CNTN3: variants seen among roughly 807,000 people sequenced by gnomAD.
CNTN3 encodes contactin-3.
Under a neutral mutation model 119.1 loss-of-function variants are expected in CNTN3, and 60 were observed. The observed-to-expected ratio is 0.50, with a 90% CI of 0.41 to 0.62. CNTN3 has a LOEUF of 0.62. Among genes scored for constraint, CNTN3 ranks in the 20% least tolerant of loss-of-function variants. The probability of loss-of-function intolerance (pLI) is 0.00; values close to 1 mark genes in which losing one functional copy is unlikely to be tolerated. For missense variants in CNTN3, 1,101 were observed against 1,242.4 expected, an observed-to-expected ratio of 0.89 and a Z score of 1.71; for synonymous variants, 450 against 438.7, an observed-to-expected ratio of 1.03 and a Z score of -0.32.
chr3:74,285,315 G>T lies in CNTN3; in HGVS notation c.2694C>A (p.Thr898=). The part of the protein sequence containing the change: ...GPFSATVNVT[T]KKTPPSQPPG... ...TCAGAATATACTTACGCGTTTTCTT[G>T]GTGGTTACATTAACTGTGGCGCTAA... Residue 898 remains threonine, a synonymous_variant, in exon 20 of 23, where the codon ACC becomes ACA. Coordinates refer to ENST00000263665, the MANE Select transcript of CNTN3 (RefSeq NM_020872.3). The T allele has an allele frequency of 6.2e-7, 1 of 1,602,880 alleles. No homozygotes were observed. Among genetic ancestry groups the T allele is most frequent in the Non-Finnish European group, 8.5e-7 (1 of 1,176,674 alleles).
chr3:74,597,976 A>G lies in CNTN3; in HGVS notation c.-81+16415T>C, dbSNP rs866377866. ...TGTATCTTGCAAGCTTCTAGAATAA[A>G]ACAAAGGAAATATGTGGGCTCAAGT... On this transcript the variant is annotated intron_variant, in intron 1 of 22. Coordinates refer to ENST00000263665, the MANE Select transcript of CNTN3 (RefSeq NM_020872.3). Among the ~76,000 whole-genome samples the G allele has an allele frequency of 3.5e-4, 53 of 152,202 alleles. 1 individual carries two copies. The highest frequency in any genetic ancestry group is 1.2e-3 in the African/African-American group (49 of 41,576).
chr3:74,611,615 C>T (rs534450990), intron 1 of CNTN3, among the ~76,000 whole-genome samples: 3 of 152,274 alleles, frequency 2.0e-5, no homozygotes, highest in South Asian at 4.1e-4. Context: ...TTAAACTGTT[C>T]CGTGGCCCCA....
chr3:74,561,147 C>T (rs1290337491), intron 1 of CNTN3, among the ~76,000 whole-genome samples: 1 of 150,318 alleles, frequency 6.7e-6, no homozygotes, highest in South Asian at 2.1e-4. Flanking sequence ...GCACATTGTG[C>T]ACATGTACCC....
intron 1 of CNTN3, among the ~76,000 whole-genome samples, chr3:74,588,787 T>C (rs1704645338): frequency 6.6e-6 from 1 of 151,960 alleles, no homozygotes; most frequent in Non-Finnish European, 1.5e-5. Context: ...AACAGAGCCC[T>C]CAGAAATAAC....
At chr3:74,577,823 TATTA>T (rs1281964573) in intron 1 of CNTN3, among the ~76,000 whole-genome samples, 1 of 152,154 alleles carries the variant, frequency 6.6e-6, no homozygotes, top group African/African-American at 2.4e-5. Context: ...GATATTTTAA[TATTA>T]ATTACATTAC....
At chr3:74,310,830 T>C (rs1702668593) in intron 13 of CNTN3, among the ~76,000 whole-genome samples, 1 of 152,174 alleles carries the variant, frequency 6.6e-6, no homozygotes, top group South Asian at 2.1e-4. Context: ...ACAGCCATCT[T>C]TGGAAAACAC....
intron 3 of CNTN3, among the ~76,000 whole-genome samples, chr3:74,489,911 G>A (rs985184257): frequency 1.1e-4 from 17 of 152,086 alleles, no homozygotes; most frequent in African/African-American, 3.4e-4. Context: ...TTCAACAAAC[G>A]GGCAAATATC....
chr3:74,292,257 CTGTT>C (rs1258140829), intron 19 of CNTN3, among the ~76,000 whole-genome samples: 1 of 152,198 alleles, frequency 6.6e-6, no homozygotes, highest in East Asian at 1.9e-4. Flanking sequence ...CACCTACTGA[CTGTT>C]TATTATGATG....
chr3:74,395,031 T>A (rs1208693534), intron 5 of CNTN3, among the ~76,000 whole-genome samples: 1 of 151,768 alleles, frequency 6.6e-6, no homozygotes, highest in Non-Finnish European at 1.5e-5. Context: ...AATCTAATGA[T>A]TTTTTTTAAA....
intron 4 of CNTN3, among the ~76,000 whole-genome samples, chr3:74,438,057 T>C (rs1486255811): frequency 6.6e-6 from 1 of 152,226 alleles, no homozygotes; most frequent in East Asian, 1.9e-4. Flanking sequence ...GTCTTCTCAC[T>C]TAGTAACATC....
chr3:74,507,062 G>A (rs1222955099), intron 2 of CNTN3, among the ~76,000 whole-genome samples: 1 of 152,090 alleles, frequency 6.6e-6, no homozygotes, highest in Non-Finnish European at 1.5e-5. Flanking sequence ...CTGTTTCTAT[G>A]AGCAAATAAT....
chr3:74,532,758 T>C (rs1393191684), intron 1 of CNTN3, among the ~76,000 whole-genome samples: 1 of 152,012 alleles, frequency 6.6e-6, no homozygotes, highest in Non-Finnish European at 1.5e-5. Context: ...CCATTTAATA[T>C]TTTTGGACTA....
intron 13 of CNTN3, among the ~76,000 whole-genome samples, chr3:74,317,067 A>C (rs1702848454): frequency 6.6e-6 from 1 of 151,278 alleles, no homozygotes; most frequent in African/African-American, 2.4e-5. Context: ...TTCTTGTTGA[A>C]TTGATCCCTT....
intron 3 of CNTN3, among the ~76,000 whole-genome samples, chr3:74,487,923 A>G (rs1702887885): frequency 6.6e-6 from 1 of 151,200 alleles, no homozygotes; most frequent in Admixed American, 6.6e-5. Context: ...GACGTTTATA[A>G]TTTTCAGATC....
At chr3:74,365,541 C>A in intron 9 of CNTN3, 25 bp downstream of exon 9, 1 of 1,612,718 alleles carries the variant, frequency 6.2e-7, no homozygotes, top group Non-Finnish European at 8.5e-7. Flanking sequence ...GCCTCTAAAC[C>A]CATTTTAGGT....
intron 2 of CNTN3, among the ~76,000 whole-genome samples, chr3:74,511,985 C>T (rs960377338): frequency 6.6e-6 from 1 of 152,010 alleles, no homozygotes; most frequent in Non-Finnish European, 1.5e-5. Flanking sequence ...ATTAATATTC[C>T]ATTTAGCTTT....
intron 4 of CNTN3, among the ~76,000 whole-genome samples, chr3:74,465,378 G>A (rs1392160838): frequency 5.3e-5 from 8 of 152,058 alleles, no homozygotes; most frequent in Non-Finnish European, 1.0e-4. Context: ...AAAGAGTGTG[G>A]GGATTGGTAC....
chr3:74,601,340 G>A (rs990777808), intron 1 of CNTN3, among the ~76,000 whole-genome samples: 4 of 152,038 alleles, frequency 2.6e-5, no homozygotes, highest in African/African-American at 7.2e-5. Flanking sequence ...GAAGCATACA[G>A]ATTACTACTA....
At chr3:74,403,788 T>G (rs1047532826) in intron 5 of CNTN3, among the ~76,000 whole-genome samples, 3 of 152,130 alleles carry the variant, frequency 2.0e-5, no homozygotes, top group African/African-American at 7.2e-5. Context: ...TGTGTGTAAA[T>G]TCATTAAAAT....
Sources: allele counts gnomAD v4.1 joint callset (sites outside exome capture counted in the v4.1 genomes callset), GRCh38; gene constraint gnomAD v4.1.1; transcripts MANE v1.5; gene names NCBI Gene and HGNC (gene_info 2026-07-23, HGNC 2026-07-21).